TTC39B: variants seen among roughly 807,000 people sequenced by gnomAD.
The protein encoded by TTC39B is tetratricopeptide repeat protein 39B.
TTC39B carries 92 observed loss-of-function variants against 96.6 expected under a neutral mutation model. The ratio of observed to expected loss-of-function variants is 0.95; its 90% CI spans 0.80 to 1.13. The LOEUF is 1.13. Ranked by LOEUF, TTC39B falls within the 50% of genes most tolerant of loss-of-function variation. The pLI, the probability that TTC39B is intolerant of heterozygous loss-of-function variation, is 0.00. For synonymous variants in TTC39B, 367 were observed against 299.4 expected (o/e 1.23, Z -2.33); for missense variants, 955 against 809.3 (o/e 1.18, Z -2.18).
At position 15,268,564 on chromosome 9, in the gene TTC39B, C is replaced by T. The variant is rs1468840323; in HGVS notation, c.241-616G>A. Reference sequence around the variant, plus strand: ...ACTCACACACAATCTCACAGTCACACATACAAATACACATGCACTCACTCA... The same window carrying T: ...ACTCACACACAATCTCACAGTCACATATACAAATACACATGCACTCACTCA... On this transcript the variant is annotated intron_variant, in intron 1 of 19. Transcript: ENST00000512701. 2.0e-5 allele frequency among the ~76,000 whole-genome samples: 3 copies of T among 152,180 alleles called. No homozygotes were observed. In the East Asian group the frequency reaches 5.8e-4, roughly 29 times the overall value.
intron 2 of TTC39B, among the ~76,000 whole-genome samples, chr9:15,230,479 A>C (rs1472855940): frequency 6.6e-6 from 1 of 152,190 alleles, no homozygotes; most frequent in Non-Finnish European, 1.5e-5. Context: ...TGGAATCATA[A>C]AAAGTATGGT....
At chr9:15,244,768 T>G (rs1822198071) in intron 2 of TTC39B, among the ~76,000 whole-genome samples, 1 of 152,208 alleles carries the variant, frequency 6.6e-6, no homozygotes, top group Admixed American at 6.5e-5. Flanking sequence ...CACGTTGGAA[T>G]GCAGATATTT....
At position 15,199,730 on chromosome 9, in the gene TTC39B, G is replaced by A. The variant is rs796451656; in HGVS notation, c.824+131C>T. On this transcript the variant is annotated intron_variant, in intron 8 of 19. Coordinates refer to ENST00000512701, the Ensembl canonical transcript of TTC39B. ...AACCTGGGTGACAGAGTGAGACTCCGTCTCAAAAAAAAAAAAAAAAAAAAA... is the reference window on the plus strand; with the variant it reads ...AACCTGGGTGACAGAGTGAGACTCCATCTCAAAAAAAAAAAAAAAAAAAAA... The A allele has an allele frequency of 9.9e-5, 22 of 221,184 alleles. No homozygotes were observed. In the African/African-American group the frequency reaches 1.4e-3, roughly 14 times the overall value. The allele number at this position is 221,184 out of a possible 1,614,324, so 13.7% of individuals were successfully genotyped here.
At chr9:15,202,673 C>G (rs1417436244) in intron 7 of TTC39B, among the ~76,000 whole-genome samples, 1 of 151,588 alleles carries the variant, frequency 6.6e-6, no homozygotes, top group Non-Finnish European at 1.5e-5. Context: ...GATCATGCCA[C>G]TGTACTCCAG....
chr9:15,211,396 C>G (rs765024557), exon 5 of TTC39B: 2 of 1,504,190 alleles, frequency 1.3e-6, no homozygotes, highest in South Asian at 2.7e-5. Context: ...CTCTCCTTAG[C>G]CCTGGGAAGA....
At chr9:15,274,375 C>T (rs16932898) in intron 1 of TTC39B, among the ~76,000 whole-genome samples, 4,155 of 152,328 alleles carry the variant, frequency 0.027, 189 homozygotes, top group African/African-American at 0.094. Context: ...GGACTACCAA[C>T]TAGTCGCATC....
chr9:15,179,037 A>G (rs181688586), intron 17 of TTC39B, among the ~76,000 whole-genome samples: 74 of 152,334 alleles, frequency 4.9e-4, no homozygotes, highest in African/African-American at 1.6e-3. Context: ...CTGCTTGAGG[A>G]AAATGTCAAG....
At chr9:15,279,892 CTTTT>C (rs1164750793) in intron 1 of TTC39B, among the ~76,000 whole-genome samples, 2 of 101,816 alleles carry the variant, frequency 2.0e-5, no homozygotes, top group East Asian at 2.6e-4. Context: ...TTTTTCTTTT[CTTTT>C]TTTTTTTTTT....
chr9:15,167,339 T>C (rs1817549483), exon 20 of TTC39B: 1 of 148,180 alleles, frequency 6.7e-6, no homozygotes, highest in Non-Finnish European at 1.5e-5. Context: ...TGAGCCACCA[T>C]TGCCAGCCTC....
intron 7 of TTC39B, among the ~76,000 whole-genome samples, chr9:15,201,435 C>A (rs1034705149): frequency 6.6e-6 from 1 of 152,098 alleles, no homozygotes; most frequent in Non-Finnish European, 1.5e-5. Context: ...CATGGGATGT[C>A]ATGAGAACAC....
rs751647093 is a variant in TTC39B, at chr9:15,182,435, AC to A, written c.1615-21del. ...CATTTCCTAATGAGGAAAAATGAAA[AC>A]CATTTGCAGTTATATGAGGTTATTC... On this transcript the variant is annotated intron_variant, in intron 16 of 19. Transcript: ENST00000512701. 4 of 1,561,662 alleles carry A rather than the reference AC, an allele frequency of 2.6e-6. No individual in the cohort carries two copies. In the East Asian group the frequency reaches 9.0e-5, roughly 35 times the overall value.
chr9:15,239,985 A>G (rs1169173639), intron 2 of TTC39B, among the ~76,000 whole-genome samples: 2 of 152,188 alleles, frequency 1.3e-5, no homozygotes, highest in East Asian at 3.8e-4. Flanking sequence ...CTATTGCTTA[A>G]TAGTATTAGC....
chr9:15,236,536 C>A (rs1336596307), intron 2 of TTC39B, among the ~76,000 whole-genome samples: 1 of 152,186 alleles, frequency 6.6e-6, no homozygotes, highest in Non-Finnish European at 1.5e-5. Context: ...TTCATTTGTG[C>A]ATGGAACATT....
At chr9:15,177,902 C>T in intron 17 of TTC39B, 88 bp from the exon 18 acceptor site, 1 of 794,992 alleles carries the variant, frequency 1.3e-6, no homozygotes, top group East Asian at 3.3e-5. Flanking sequence ...CGGACTCTCG[C>T]TCTCTCACCC....
chr9:15,251,687 A>G (rs543970567), intron 2 of TTC39B, among the ~76,000 whole-genome samples: 19,815 of 124,828 alleles, frequency 0.16, 1,570 homozygotes, highest in African/African-American at 0.22. Flanking sequence ...ACACACACAC[A>G]CACATACATA....
At chr9:15,269,580 G>A (rs1471998185) in intron 1 of TTC39B, among the ~76,000 whole-genome samples, 3 of 152,166 alleles carry the variant, frequency 2.0e-5, no homozygotes, top group Non-Finnish European at 4.4e-5. Flanking sequence ...CTGGCCAGGC[G>A]CAGTGGCTCA....
chr9:15,173,886 C>T (rs1817788760), intron 19 of TTC39B, among the ~76,000 whole-genome samples: 2 of 152,084 alleles, frequency 1.3e-5, no homozygotes, highest in African/African-American at 4.8e-5. Flanking sequence ...CGTTCTCTCC[C>T]CAAATACATT....
intron 18 of TTC39B, among the ~76,000 whole-genome samples, chr9:15,177,008 C>A (rs923306957): frequency 2.6e-5 from 4 of 152,188 alleles, no homozygotes; most frequent in Non-Finnish European, 5.9e-5. Context: ...AAAAGAGAGA[C>A]AGAGTGCTCA....
chr9:15,290,151 A>C (rs191083900), intron 1 of TTC39B, among the ~76,000 whole-genome samples: 32 of 152,306 alleles, frequency 2.1e-4, no homozygotes, highest in Admixed American at 2.0e-3. Context: ...AGTGAGAAAA[A>C]AATGGTTAGA....
Sources: allele counts gnomAD v4.1 joint callset (sites outside exome capture counted in the v4.1 genomes callset), GRCh38; gene constraint gnomAD v4.1.1; transcripts MANE v1.5; gene names NCBI Gene and HGNC (gene_info 2026-07-23, HGNC 2026-07-21).